The following EPS15 variants were observed in gnomAD, a reference collection of about 807,000 sequenced individuals.
EPS15 encodes the protein epidermal growth factor receptor substrate 15.
Under a neutral mutation model 113.8 loss-of-function variants are expected in EPS15, and 72 were observed. That is an observed-to-expected ratio of 0.63 (90% CI 0.52 to 0.77). The LOEUF is 0.77. Among genes scored for constraint, EPS15 ranks in the 30% least tolerant of loss-of-function variants. The probability of loss-of-function intolerance (pLI) is 0.00; values close to 1 mark genes in which losing one functional copy is unlikely to be tolerated. For synonymous variants in EPS15, 344 were observed against 363.4 expected, an observed-to-expected ratio of 0.95 and a Z score of 0.61; for missense variants, 1,048 against 1,045.8, an observed-to-expected ratio of 1.00 and a Z score of -0.03.
rs545956935 is a variant in EPS15 at position 51,415,718 on chromosome 1, C to T, written c.1114-6022G>A. Among the ~76,000 whole-genome samples, 9 of 125,770 alleles carry T rather than the reference C, an allele frequency of 7.2e-5. No homozygotes were observed. The South Asian group carries it at 1.9e-3, about 26-fold the overall frequency. The allele number at this position is 125,770 out of a possible 152,430, so 82.5% of individuals were successfully genotyped here. ...GGCTGAGGCAGGAGAATCACTTAAA[C>T]TTGGGAGGCAGAGGTTGCAGTGAGT... On this transcript the variant is annotated intron_variant, in intron 13 of 24. Coordinates refer to ENST00000371733, the MANE Select transcript of EPS15 (RefSeq NM_001981.3).
chr1:51,455,046 C>G (rs1328182397), intron 8 of EPS15, among the ~76,000 whole-genome samples: 1 of 152,036 alleles, frequency 6.6e-6, no homozygotes, highest in Non-Finnish European at 1.5e-5. Flanking sequence ...AACTCTAAAT[C>G]TACAAAAATC....
At chr1:51,381,795 A>T (rs1459876538) in intron 21 of EPS15, among the ~76,000 whole-genome samples, 1 of 152,168 alleles carries the variant, frequency 6.6e-6, no homozygotes, top group Non-Finnish European at 1.5e-5. Flanking sequence ...TACCAAAACT[A>T]ACGGGATATA....
intron 23 of EPS15, among the ~76,000 whole-genome samples, chr1:51,363,181 C>T (rs1205512848): frequency 6.6e-6 from 1 of 151,564 alleles, no homozygotes; most frequent in Non-Finnish European, 1.5e-5. Flanking sequence ...GCCTATAATC[C>T]CAACTACTCG....
At chr1:51,482,530 G>C (rs1432528328) in intron 1 of EPS15, among the ~76,000 whole-genome samples, 1 of 152,022 alleles carries the variant, frequency 6.6e-6, no homozygotes, top group Non-Finnish European at 1.5e-5. Context: ...GGCGTGGCAC[G>C]ATCTAGGCTC....
intron 21 of EPS15, among the ~76,000 whole-genome samples, chr1:51,381,007 T>C (rs1215480431): frequency 2.6e-5 from 4 of 152,186 alleles, no homozygotes; most frequent in Admixed American, 6.5e-5. Flanking sequence ...TAAACATACA[T>C]GCACCAAACA....
At chr1:51,492,510 T>C (rs1054984567) in intron 1 of EPS15, among the ~76,000 whole-genome samples, 7 of 151,974 alleles carry the variant, frequency 4.6e-5, no homozygotes, top group Admixed American at 4.6e-4. Context: ...GTACAGAAAA[T>C]ACTACTGAAA....
rs867282478 is a variant in EPS15, at chr1:51,506,166, C to T, written c.33+13033G>A. Among the ~76,000 whole-genome samples the T allele has an allele frequency of 2.8e-4, 42 of 152,130 alleles. 2 individuals carry two copies. Among genetic ancestry groups the T allele is most frequent in the Admixed American group, 1.6e-3 (24 of 15,264 alleles). On this transcript the variant is annotated intron_variant, in intron 1 of 24. Transcript: ENST00000371733. ...CCTCCGAAAGTGCTGGGATTACAGG[C>T]GTCAGCCACCGTGCCCAGCCAACAA... is the stretch of plus-strand genomic sequence containing the variant.
intron 1 of EPS15, among the ~76,000 whole-genome samples, chr1:51,502,864 G>C (rs920033576): frequency 6.6e-6 from 1 of 151,964 alleles, no homozygotes; most frequent in Non-Finnish European, 1.5e-5. Context: ...AATTAGCTGG[G>C]CGTGGTGGGG....
intron 12 of EPS15, among the ~76,000 whole-genome samples, chr1:51,433,049 C>T (rs1651857578): frequency 6.6e-6 from 1 of 152,072 alleles, no homozygotes; most frequent in Admixed American, 6.6e-5. Context: ...TGAACTAAAA[C>T]AAAAACATAG....
intron 21 of EPS15, among the ~76,000 whole-genome samples, chr1:51,379,640 G>C (rs1309910528): frequency 6.6e-6 from 1 of 152,132 alleles, no homozygotes; most frequent in Non-Finnish European, 1.5e-5. Flanking sequence ...AAAGGGGCTG[G>C]GAGCAGTGGC....
intron 12 of EPS15, among the ~76,000 whole-genome samples, chr1:51,427,952 T>C (rs935887586): frequency 6.6e-6 from 1 of 152,144 alleles, no homozygotes; most frequent in Non-Finnish European, 1.5e-5. Flanking sequence ...AATCAAACTG[T>C]TGCAATAATC....
At chr1:51,409,956 C>T (rs1649544138) in intron 13 of EPS15, among the ~76,000 whole-genome samples, 1 of 151,746 alleles carries the variant, frequency 6.6e-6, no homozygotes, top group African/African-American at 2.4e-5. Context: ...AAATAGAACT[C>T]CTGGAATTTC....
chr1:51,408,437 GT>G (rs199896563), intron 14 of EPS15, 105 bp from the exon 15 acceptor site: 68 of 812,248 alleles, frequency 8.4e-5, no homozygotes, highest in Non-Finnish European at 1.1e-4. Flanking sequence ...CTATTTTGGT[GT>G]TTTTTTTGAC....
At chr1:51,365,611 C>A (rs71651190) in intron 22 of EPS15, among the ~76,000 whole-genome samples, 8,780 of 152,182 alleles carry the variant, frequency 0.058, 342 homozygotes, top group Non-Finnish European at 0.086. Flanking sequence ...GAAATAAAAA[C>A]CCAGATTTTA....
chr1:51,469,982 C>T (rs922993275), intron 4 of EPS15, among the ~76,000 whole-genome samples: 1 of 152,148 alleles, frequency 6.6e-6, no homozygotes, highest in Non-Finnish European at 1.5e-5. Flanking sequence ...CTCTTCTGAC[C>T]TTTTAGGTCT....
intron 7 of EPS15, among the ~76,000 whole-genome samples, chr1:51,461,418 G>A (rs1356987705): frequency 6.6e-6 from 1 of 151,742 alleles, no homozygotes; most frequent in Non-Finnish European, 1.5e-5. Flanking sequence ...CTACTCAGGA[G>A]GCTGAGGTAG....
chr1:51,377,228 C>T (rs1339618162), intron 21 of EPS15, among the ~76,000 whole-genome samples: 1 of 152,112 alleles, frequency 6.6e-6, no homozygotes, highest in Non-Finnish European at 1.5e-5. Flanking sequence ...AGCTCCATTG[C>T]ACTCCAGCCT....
At chr1:51,415,933 G>A (rs1479637092) in intron 13 of EPS15, among the ~76,000 whole-genome samples, 1 of 149,510 alleles carries the variant, frequency 6.7e-6, no homozygotes, top group Non-Finnish European at 1.5e-5. Flanking sequence ...AAATATACAT[G>A]CTAATAACAA....
chr1:51,357,399 T>A (rs369882889), intron 24 of EPS15, among the ~76,000 whole-genome samples: 2,010 of 52,784 alleles, frequency 0.038, 48 homozygotes, highest in Non-Finnish European at 0.048. Flanking sequence ...AAAATATATA[T>A]ATATATATAT....
Sources: gnomAD v4.1 joint callset for allele counts (sites outside exome capture counted in the v4.1 genomes callset) on GRCh38, gnomAD v4.1.1 for gene constraint, MANE v1.5 for transcripts, NCBI Gene and HGNC (gene_info 2026-07-23, HGNC 2026-07-21) for gene names.